The following TCF7L2 variants were observed in gnomAD, a reference collection of about 807,000 sequenced individuals.
TCF7L2 encodes transcription factor 7 like 2.
A neutral mutation model predicts 77.9 loss-of-function variants in TCF7L2; 23 were observed. The observed-to-expected ratio is 0.30, with a 90% CI of 0.21 to 0.42. The LOEUF is 0.42. Among genes scored for constraint, TCF7L2 ranks in the 10% least tolerant of loss-of-function variants. TCF7L2 has a pLI of 1.00. For missense variants in TCF7L2, 654 were observed against 793.1 expected (o/e 0.82, Z 2.11); for synonymous variants, 413 against 340.2 (o/e 1.21, Z -2.36).
chr10:113,120,981 T>C (rs2064673024), intron 5 of TCF7L2, among the ~76,000 whole-genome samples: 1 of 152,188 alleles, frequency 6.6e-6, no homozygotes, highest in Non-Finnish European at 1.5e-5. Context: ...AAAGGCATGA[T>C]AGATGTCTTC....
At chr10:113,086,096 A>G (rs925391745) in intron 5 of TCF7L2, among the ~76,000 whole-genome samples, 3 of 152,220 alleles carry the variant, frequency 2.0e-5, no homozygotes, top group Non-Finnish European at 2.9e-5. Flanking sequence ...TCCCTACTTC[A>G]GTACTTTGCC....
rs370554631 is a variant in TCF7L2, at chr10:113,151,160, G to C, written c.1001+37G>C. 6 of 1,613,226 alleles carry C rather than the reference G, an allele frequency of 3.7e-6. No individual in the cohort carries two copies. Among genetic ancestry groups the C allele is most frequent in the South Asian group, 1.1e-5 (1 of 91,020 alleles). The stretch of plus-strand genomic sequence containing the variant: ...TGTTTTTCTCACCTTCTTCGTAGCC[G>C]CAGTGTTCTGCAAGCCTGTTGCAGC... On this transcript the variant is annotated intron_variant, in intron 9 of 13. Transcript: ENST00000627217. This position sits in a 1 kb window ranked among gnomAD's most constrained non-coding sequence, Gnocchi z 5.2.
chr10:112,974,984 CT>C (rs35180958), intron 4 of TCF7L2, among the ~76,000 whole-genome samples: 2 of 147,212 alleles, frequency 1.4e-5, no homozygotes, highest in African/African-American at 2.5e-5. Context: ...TTTTCTTTTT[CT>C]TTTTTTTTTA....
chr10:113,134,123 A>T (rs1272063003), intron 5 of TCF7L2, among the ~76,000 whole-genome samples: 1 of 152,156 alleles, frequency 6.6e-6, no homozygotes, highest in Non-Finnish European at 1.5e-5. Flanking sequence ...GAAACAATCC[A>T]CCATTAGCTG....
chr10:112,998,754 A>T lies in TCF7L2; in HGVS notation c.450+34130A>T, dbSNP rs1318103758. ...AGAAGCTTGGGCACTTCACTGCTAC[A>T]TTTCATCTCTTCGCTATAAACATTT... is the stretch of plus-strand genomic sequence containing the variant. On this transcript the variant is annotated intron_variant, in intron 4 of 13. Coordinates refer to ENST00000627217, the MANE Select transcript of TCF7L2 (RefSeq NM_001146274.2). 2.0e-5 allele frequency among the ~76,000 whole-genome samples: 3 copies of T among 151,626 alleles called. No individual in the cohort carries two copies. The South Asian group carries it at 6.2e-4, about 31-fold the overall frequency.
chr10:113,165,888 G>A lies in TCF7L2; in HGVS notation c.1725G>A (p.Pro575=), dbSNP rs748602828. The change falls in exon 14 of 14, where the codon CCG becomes CCA. Residue 575 remains proline, a synonymous_variant. Coordinates refer to ENST00000627217, the MANE Select transcript of TCF7L2 (RefSeq NM_001146274.2). Reference sequence around the variant, plus strand: ...CCCCCTCCTCATCAATTGCACAGCCGTCGACTTCTTCCTTACATTCCCACA... The same window carrying A: ...CCCCCTCCTCATCAATTGCACAGCCATCGACTTCTTCCTTACATTCCCACA... 40 of 1,602,532 alleles carry A rather than the reference G, an allele frequency of 2.5e-5. No homozygotes were observed. The highest frequency in any genetic ancestry group is 1.2e-4 in the Admixed American group (7 of 58,414).
At chr10:113,134,942 C>A (rs2067179217) in intron 5 of TCF7L2, among the ~76,000 whole-genome samples, 1 of 152,146 alleles carries the variant, frequency 6.6e-6, no homozygotes, top group South Asian at 2.1e-4. Flanking sequence ...AAAGAGGCAG[C>A]AATAGGGGCG....
chr10:113,059,377 A>G lies in TCF7L2; in HGVS notation c.552+19251A>G, dbSNP rs545229378. Reference sequence around the variant, plus strand: ...CCCTTTTTGGCAAAACCATGCAAACATTGGTATTCAAAAATATTTTGTTAC... The same window carrying G: ...CCCTTTTTGGCAAAACCATGCAAACGTTGGTATTCAAAAATATTTTGTTAC... On this transcript the variant is annotated intron_variant, in intron 5 of 13. Transcript: ENST00000627217. 4.0e-5 allele frequency among the ~76,000 whole-genome samples: 6 copies of G among 148,492 alleles called. No homozygotes were observed. In the East Asian group the frequency reaches 1.2e-3, roughly 30 times the overall value.
At chr10:113,103,695 T>G (rs1316810127) in intron 5 of TCF7L2, among the ~76,000 whole-genome samples, 1 of 152,168 alleles carries the variant, frequency 6.6e-6, no homozygotes, top group Non-Finnish European at 1.5e-5. Context: ...CATTTTTTCG[T>G]ACTTATTAAT....
In TCF7L2 at chr10:113,040,019, C is replaced by T. The variant is rs377724519; in HGVS notation, c.451-6C>T. On this transcript the variant is annotated splice_region_variant and splice_polypyrimidine_tract_variant and intron_variant, in intron 4 of 13. Transcript: ENST00000627217. ...TTTTCATTTCACTTTTGTTTCCTCT[C>T]GCCAGTATCTCCAGATGAAATGGCC... The T allele has an allele frequency of 1.6e-4, 257 of 1,611,570 alleles. No individual in the cohort carries two copies. Among genetic ancestry groups the T allele is most frequent in the Middle Eastern group, 4.9e-4 (3 of 6,074 alleles).
At chr10:113,140,843 G>T (rs1258481210) in intron 5 of TCF7L2, among the ~76,000 whole-genome samples, 1 of 152,188 alleles carries the variant, frequency 6.6e-6, no homozygotes, top group Non-Finnish European at 1.5e-5. Flanking sequence ...ATGTGGAAAC[G>T]CAGTAGGCAT....
At chr10:112,967,630 TAA>T (rs1341337043) in intron 4 of TCF7L2, among the ~76,000 whole-genome samples, 3 of 142,294 alleles carry the variant, frequency 2.1e-5, no homozygotes, top group East Asian at 4.5e-4. Flanking sequence ...GAAAGAAAAT[TAA>T]AAGTTTTTTT....
intron 4 of TCF7L2, among the ~76,000 whole-genome samples, chr10:112,966,006 T>C (rs928646706): frequency 3.3e-5 from 5 of 151,212 alleles, no homozygotes; most frequent in African/African-American, 1.2e-4. Flanking sequence ...AAACCCCATC[T>C]CTACTAAAAA....
At chr10:112,961,254 A>AACCCCCC (rs2035050924) in intron 3 of TCF7L2, among the ~76,000 whole-genome samples, 1 of 60,480 alleles carries the variant, frequency 1.7e-5, no homozygotes, top group African/African-American at 1.5e-4. Flanking sequence ...ACCTCAGGTG[A>AACCCCCC]CCCCCCCCCC....
At chr10:113,015,768 C>T (rs558381721) in intron 4 of TCF7L2, among the ~76,000 whole-genome samples, 4 of 152,234 alleles carry the variant, frequency 2.6e-5, no homozygotes, top group South Asian at 2.1e-4. Context: ...AGATGACAGG[C>T]GTGAGCCACT....
At chr10:113,040,256 T>G (rs1377506125) in intron 5 of TCF7L2, 130 bp downstream of exon 5, 2 of 778,520 alleles carry the variant, frequency 2.6e-6, no homozygotes, top group East Asian at 5.5e-5. Context: ...GAAATATTGT[T>G]GGGTATAGTT....
chr10:113,027,918 C>G (rs1056126217), intron 4 of TCF7L2, among the ~76,000 whole-genome samples: 1 of 152,148 alleles, frequency 6.6e-6, no homozygotes, highest in African/African-American at 2.4e-5. Context: ...TGTGGACTTC[C>G]TTGAGTGACT....
chr10:113,081,001 T>G (rs2059266877), intron 5 of TCF7L2, among the ~76,000 whole-genome samples: 1 of 152,282 alleles, frequency 6.6e-6, no homozygotes, highest in East Asian at 1.9e-4. Flanking sequence ...AACCTGTTAT[T>G]TACATTTTAA....
At chr10:113,110,893 A>G (rs1449420412) in intron 5 of TCF7L2, among the ~76,000 whole-genome samples, 6 of 152,322 alleles carry the variant, frequency 3.9e-5, no homozygotes, top group African/African-American at 1.4e-4. Flanking sequence ...AAAATAGCCA[A>G]CAGCTCTGAG....
Sources: gnomAD v4.1 joint callset for allele counts (sites outside exome capture counted in the v4.1 genomes callset) on GRCh38, gnomAD v4.1.1 for gene constraint, Gnocchi (gnomAD v3.1) non-coding constraint, MANE v1.5 for transcripts, NCBI Gene and HGNC (gene_info 2026-07-23, HGNC 2026-07-21) for gene names.